The following CPNE4 variants were observed in gnomAD, a reference collection of about 807,000 sequenced individuals.
CPNE4 encodes copine-4.
CPNE4 carries 25 observed loss-of-function variants against 67.9 expected under a neutral mutation model. The observed-to-expected ratio is 0.37, with a 90% CI of 0.27 to 0.51. CPNE4 has a LOEUF of 0.51. Ranked by LOEUF, CPNE4 falls within the 20% of genes least tolerant of loss-of-function variation. The probability of loss-of-function intolerance (pLI) is 0.93; values close to 1 mark genes in which losing one functional copy is unlikely to be tolerated. For missense variants in CPNE4, 464 were observed against 690.8 expected (o/e 0.67, Z 3.68); for synonymous variants, 242 against 244.9 (o/e 0.99, Z 0.11).
intron 1 of CPNE4, among the ~76,000 whole-genome samples, chr3:131,909,757 G>A (rs570765620): frequency 7.9e-4 from 120 of 152,212 alleles, no homozygotes; most frequent in Non-Finnish European, 1.4e-3. Flanking sequence ...AAGGCTTCTT[G>A]AAATATGGAT....
intron 1 of CPNE4, among the ~76,000 whole-genome samples, chr3:131,945,798 T>C (rs1227412511): frequency 1.3e-5 from 2 of 152,300 alleles, no homozygotes; most frequent in East Asian, 3.9e-4. Context: ...TATGATACAC[T>C]GAGTCAAGTT....
At chr3:131,997,818 A>G (rs994006284) in intron 1 of CPNE4, among the ~76,000 whole-genome samples, 28 of 152,146 alleles carry the variant, frequency 1.8e-4, no homozygotes, top group Admixed American at 1.7e-3. Context: ...GCCAGGCTGC[A>G]GTGTTAACAT....
At chr3:131,978,081 A>ATATGTATT (rs1423222849) in intron 1 of CPNE4, among the ~76,000 whole-genome samples, 2 of 37,670 alleles carry the variant, frequency 5.3e-5, no homozygotes, top group African/African-American at 3.0e-4. Flanking sequence ...ATATATAAAT[A>ATATGTATT]TATATAAATA....
At chr3:131,891,170 T>A (rs949214847) in intron 2 of CPNE4, among the ~76,000 whole-genome samples, 1 of 152,074 alleles carries the variant, frequency 6.6e-6, no homozygotes, top group African/African-American at 2.4e-5. Context: ...ATATATTTTT[T>A]ATCTGGATTG....
intron 1 of CPNE4, among the ~76,000 whole-genome samples, chr3:131,961,907 A>G (rs1026957833): frequency 6.6e-6 from 1 of 152,196 alleles, no homozygotes; most frequent in Admixed American, 6.5e-5. Flanking sequence ...TACTGCATAC[A>G]TATCACCAAG....
chr3:131,577,980 A>G (rs1937592075), intron 9 of CPNE4, among the ~76,000 whole-genome samples: 1 of 152,106 alleles, frequency 6.6e-6, no homozygotes, highest in African/African-American at 2.4e-5. Context: ...AGCCCTTCAT[A>G]AGTTCAAAAA....
chr3:131,986,500 C>G (rs1295875161), intron 1 of CPNE4, among the ~76,000 whole-genome samples: 2 of 152,004 alleles, frequency 1.3e-5, no homozygotes, highest in Non-Finnish European at 2.9e-5. Context: ...AGCAAACAAA[C>G]AAAAAAGCAG....
At chr3:131,856,998 T>G (rs915780673) in intron 2 of CPNE4, among the ~76,000 whole-genome samples, 4 of 152,064 alleles carry the variant, frequency 2.6e-5, no homozygotes, top group Non-Finnish European at 5.9e-5. Context: ...ATTATTTCTG[T>G]TTATAAGACA....
At chr3:131,751,764 G>GGT (rs1553765157) in intron 2 of CPNE4, among the ~76,000 whole-genome samples, 7 of 145,172 alleles carry the variant, frequency 4.8e-5, no homozygotes, top group Non-Finnish European at 9.1e-5. Flanking sequence ...CTGTTTAGCT[G>GGT]TTTTTTTTTT....
rs192470402 is a variant in CPNE4, at chr3:131,872,995, C to A, written c.180+32269G>T. 4.7e-3 allele frequency among the ~76,000 whole-genome samples: 715 copies of A among 152,264 alleles called. 8 individuals are homozygous for A. The highest frequency in any genetic ancestry group is 0.015 in the African/African-American group (631 of 41,566). On this transcript the variant is annotated intron_variant, in intron 2 of 15. Coordinates refer to ENST00000429747, the MANE Select transcript of CPNE4 (RefSeq NM_130808.3). ...ATGTGAGCAATAATACATGATTTTT[C>A]TTGCTTCAGGCCGCTAAGGTTTGAG... is the stretch of plus-strand genomic sequence containing the variant.
chr3:131,811,249 A>G (rs13058904), intron 2 of CPNE4, among the ~76,000 whole-genome samples: 38,438 of 151,956 alleles, frequency 0.25, 5,237 homozygotes, highest in East Asian at 0.34. Flanking sequence ...ACTTTAGGAG[A>G]TGATGCATAT....
chr3:131,941,021 A>G (rs1278484882), intron 1 of CPNE4, among the ~76,000 whole-genome samples: 1 of 152,062 alleles, frequency 6.6e-6, no homozygotes, highest in African/African-American at 2.4e-5. Flanking sequence ...CAAAATGAAG[A>G]TTTACTTAAG....
intron 7 of CPNE4, among the ~76,000 whole-genome samples, chr3:131,656,070 T>G (rs1197363882): frequency 2.1e-5 from 3 of 140,526 alleles, no homozygotes; most frequent in Non-Finnish European, 4.7e-5. Context: ...TTTTTTTTTT[T>G]GTGACTTGCA....
intron 15 of CPNE4, among the ~76,000 whole-genome samples, chr3:131,535,722 T>C (rs1370189380): frequency 6.6e-6 from 1 of 152,192 alleles, no homozygotes; most frequent in Non-Finnish European, 1.5e-5. Context: ...GAACTAGGCA[T>C]GGCCAATATT....
chr3:131,744,879 G>A (rs147984417), intron 2 of CPNE4, among the ~76,000 whole-genome samples: 1 of 152,260 alleles, frequency 6.6e-6, no homozygotes, highest in East Asian at 1.9e-4. Context: ...CTGCAGATGG[G>A]GGGTGTTATA....
At chr3:131,980,035 T>C (rs534489206) in intron 1 of CPNE4, among the ~76,000 whole-genome samples, 4 of 152,320 alleles carry the variant, frequency 2.6e-5, no homozygotes, top group Admixed American at 1.3e-4. Flanking sequence ...CAATCCCTTC[T>C]GGCTTGTATG....
rs141671322 is a variant in CPNE4 at position 131,584,791 on chromosome 3, A to G, written c.780+2693T>C. On this transcript the variant is annotated intron_variant, in intron 8 of 15. Transcript: ENST00000429747. ...ATTGAGTATTTGAAATGTGGCTAGCATGACTGAGGAACTTAACTTGTTATT... is the reference window on the plus strand; with the variant it reads ...ATTGAGTATTTGAAATGTGGCTAGCGTGACTGAGGAACTTAACTTGTTATT... Among the ~76,000 whole-genome samples, 980 of 152,300 alleles carry G rather than the reference A, an allele frequency of 6.4e-3. 12 individuals carry two copies. Among genetic ancestry groups the G allele is most frequent in the African/African-American group, 0.023 (937 of 41,550 alleles).
intron 2 of CPNE4, among the ~76,000 whole-genome samples, chr3:131,752,898 T>C (rs2082665041): frequency 6.6e-6 from 1 of 151,948 alleles, no homozygotes; most frequent in Admixed American, 6.6e-5. Context: ...GACAAAATGA[T>C]CACCAAATTT....
chr3:131,650,630 G>T (rs1271726931), intron 7 of CPNE4, among the ~76,000 whole-genome samples: 6 of 148,272 alleles, frequency 4.0e-5, no homozygotes, highest in Non-Finnish European at 8.9e-5. Context: ...CTGTAGTCCC[G>T]GCTACTCGGG....
Sources: allele counts gnomAD v4.1 joint callset (sites outside exome capture counted in the v4.1 genomes callset), GRCh38; gene constraint gnomAD v4.1.1; transcripts MANE v1.5; gene names NCBI Gene and HGNC (gene_info 2026-07-23, HGNC 2026-07-21).